NUMBL: variants seen among roughly 807,000 people sequenced by gnomAD.
NUMBL encodes the protein numb-like protein.
NUMBL carries 20 observed loss-of-function variants against 48.9 expected under a neutral mutation model. The ratio of observed to expected loss-of-function variants is 0.41; its 90% confidence interval spans 0.29 to 0.59. The LOEUF (loss-of-function observed/expected upper bound fraction) is 0.59. Among genes scored for constraint, NUMBL ranks in the 20% least tolerant of loss-of-function variants. NUMBL has a pLI of 0.31. For synonymous variants in NUMBL, 340 were observed against 348.7 expected, an observed-to-expected ratio of 0.98 and a Z score of 0.28; for missense variants, 660 against 846.2, an observed-to-expected ratio of 0.78 and a Z score of 2.73.
At chr19:40,675,553 GACAT>G (rs887447369) in intron 7 of NUMBL, among the ~76,000 whole-genome samples, 5 of 145,262 alleles carry the variant, frequency 3.4e-5, no homozygotes, top group South Asian at 2.2e-4. Context: ...GGTGACTCAG[GACAT>G]ACATACAATT....
At position 40,673,539 on chromosome 19, in the gene NUMBL, C is replaced by T. The variant is rs1157607801; in HGVS notation, c.841G>A (p.Val281Met). Residue 281 changes from valine to methionine, a missense_variant, in exon 8 of 10, where the codon GTG becomes ATG. By Grantham distance (21) the Val-to-Met change is conservative (BLOSUM62 1). Around this residue, in one of 3 missense-constraint regions of NUMBL, gnomAD observed 278 missense variants for 420.6 expected, o/e 0.66. Coordinates refer to ENST00000252891, the MANE Select transcript of NUMBL (RefSeq NM_004756.5). The surrounding 1 kb of genome is among the most constrained non-coding windows in gnomAD (Gnocchi z 5.9). ...GCGGCCGCAGTGGTGCCTGCAGCCA[C>T]AGGGGTGCCTGCCTCACCCTTCTCA... ...PGEKGEAGTP[V>M]AAGTTAAAIP... is the part of the protein sequence containing the mutation. 6 of 1,557,690 alleles carry T rather than the reference C, an allele frequency of 3.9e-6. No homozygotes were observed. The highest frequency in any genetic ancestry group is 4.3e-6 in the Non-Finnish European group (5 of 1,150,922).
intron 3 of NUMBL, 41 bp from the exon 4 acceptor site, chr19:40,683,009 C>T (rs1266050723): frequency 1.3e-6 from 2 of 1,554,282 alleles, no homozygotes; most frequent in Non-Finnish European, 1.8e-6. Flanking sequence ...TGAAACAGCA[C>T]AGTAATCACT....
At chr19:40,684,908 C>A in intron 2 of NUMBL, 1 of 261,470 alleles carries the variant, frequency 3.8e-6, no homozygotes, top group Non-Finnish European at 7.4e-6. Flanking sequence ...CGTGAGGACA[C>A]AAAGGGTGGG....
intron 2 of NUMBL, 26 bp from the exon 3 acceptor site, chr19:40,684,582 G>A (rs764352839): frequency 6.3e-7 from 1 of 1,582,906 alleles, no homozygotes; most frequent in Non-Finnish European, 8.6e-7. Context: ...AGTGATGTGG[G>A]TCAAGGGTGG....
intron 5 of NUMBL, 105 bp from the exon 6 acceptor site, chr19:40,681,162 G>T (rs184763487): frequency 7.9e-7 from 1 of 1,267,076 alleles, no homozygotes; most frequent in Non-Finnish European, 1.1e-6. Context: ...ACAGGGTGGG[G>T]ACCCAGCAGT....
At chr19:40,685,326 G>GC (rs144888248) in intron 2 of NUMBL, 15,699 of 151,436 alleles carry the variant, frequency 0.1, 1,068 homozygotes, top group Admixed American at 0.16. Context: ...GTGTGTGTAA[G>GC]CAAGTGTGCA....
intron 5 of NUMBL, among the ~76,000 whole-genome samples, chr19:40,681,681 A>AT (rs1049275712): frequency 2.6e-5 from 4 of 151,176 alleles, no homozygotes; most frequent in African/African-American, 4.9e-5. Flanking sequence ...ATATATATAT[A>AT]TTTTTTTCCC....
At chr19:40,674,164 C>T (rs570711830) in intron 7 of NUMBL, among the ~76,000 whole-genome samples, 1 of 152,110 alleles carries the variant, frequency 6.6e-6, no homozygotes. Flanking sequence ...GACTCTGGAC[C>T]CCATGCTCCA....
chr19:40,683,647 C>T (rs2081917203), intron 3 of NUMBL, among the ~76,000 whole-genome samples: 1 of 152,194 alleles, frequency 6.6e-6, no homozygotes, highest in Admixed American at 6.5e-5. Context: ...TCCTGCTCTC[C>T]CCCTCACAGG....
intron 9 of NUMBL, among the ~76,000 whole-genome samples, chr19:40,668,718 CA>C (rs1319844096): frequency 6.6e-6 from 1 of 152,114 alleles, no homozygotes; most frequent in Non-Finnish European, 1.5e-5. Flanking sequence ...CTCGGCTTCC[CA>C]AAGTACTAGG....
At chr19:40,684,674 G>A in intron 2 of NUMBL, 118 bp from the exon 3 acceptor site, 2 of 1,369,604 alleles carry the variant, frequency 1.5e-6, no homozygotes, top group Non-Finnish European at 1.9e-6. Context: ...CTGGAAGCGG[G>A]GTTACAGGGT....
chr19:40,683,045 G>T, intron 3 of NUMBL, 77 bp from the exon 4 acceptor site: 1 of 1,239,744 alleles, frequency 8.1e-7, no homozygotes, highest in Non-Finnish European at 1.2e-6. Flanking sequence ...CTGAGCATCT[G>T]CCATGCAGTA....
At chr19:40,670,449 C>A (rs909112495) in intron 8 of NUMBL, among the ~76,000 whole-genome samples, 1 of 152,020 alleles carries the variant, frequency 6.6e-6, no homozygotes, top group African/African-American at 2.4e-5. Flanking sequence ...GGGGTCCTGT[C>A]CACCCCACCC....
rs2081813556 is a variant in NUMBL at position 40,667,125 on chromosome 19, G to A, written c.*343C>T. On this transcript the variant is annotated 3_prime_UTR_variant, in exon 10 of 10. Coordinates refer to ENST00000252891, the MANE Select transcript of NUMBL (RefSeq NM_004756.5). This position sits in a 1 kb window ranked among gnomAD's most constrained non-coding sequence, Gnocchi z 6.1. ...CCTCCATCCTGTCCAACACTGGAAG[G>A]TGGGGGTCAACAGAAACTGGGAAAT... The A allele has an allele frequency of 3.1e-6, 1 of 327,068 alleles. No homozygotes were observed. Among genetic ancestry groups the A allele is most frequent in the South Asian group, 2.8e-5 (1 of 35,778 alleles). 20.3% of individuals were successfully genotyped at this position (327,068 alleles called of 1,614,324 possible).
chr19:40,677,917 C>CG (rs969802432), intron 6 of NUMBL, among the ~76,000 whole-genome samples: 1 of 151,944 alleles, frequency 6.6e-6, no homozygotes, highest in Non-Finnish European at 1.5e-5. Context: ...AGGGGATGAC[C>CG]GGGTGGTGGC....
At chr19:40,676,556 A>G (rs2081876778) in intron 7 of NUMBL, among the ~76,000 whole-genome samples, 6 of 151,330 alleles carry the variant, frequency 4.0e-5, no homozygotes, top group Admixed American at 3.9e-4. Flanking sequence ...TAAAAATACA[A>G]AAATTAGCCA....
chr19:40,669,830 C>A, intron 9 of NUMBL, 68 bp downstream of exon 9: 2 of 1,573,290 alleles, frequency 1.3e-6, no homozygotes, highest in East Asian at 2.2e-5. Context: ...GTCTGGGTAG[C>A]CCTGGATAGA....
chr19:40,687,643 C>G lies in NUMBL; in HGVS notation c.25-648G>C, dbSNP rs903612547. Among the ~76,000 whole-genome samples, 1 of 152,172 alleles carries G rather than the reference C, an allele frequency of 6.6e-6. No homozygotes were observed. Among genetic ancestry groups the G allele is most frequent in the African/African-American group, 2.4e-5 (1 of 41,430 alleles). On this transcript the variant is annotated intron_variant, in intron 1 of 9. Coordinates refer to ENST00000252891, the MANE Select transcript of NUMBL (RefSeq NM_004756.5). This position sits in a 1 kb window ranked among gnomAD's most constrained non-coding sequence, Gnocchi z 4.6. Reference sequence around the variant, plus strand: ...ACCCACTAGAGCCGCACATGCGTGGCCACACCCAGTGACAGCTATGTTTCC... The same window carrying G: ...ACCCACTAGAGCCGCACATGCGTGGGCACACCCAGTGACAGCTATGTTTCC...
chr19:40,683,568 AG>A (rs1250787409), intron 3 of NUMBL, among the ~76,000 whole-genome samples: 1 of 152,184 alleles, frequency 6.6e-6, no homozygotes, highest in Non-Finnish European at 1.5e-5. Context: ...AAGGTGGTGG[AG>A]GGGCTGTGAC....
Sources: allele counts gnomAD v4.1 joint callset (sites outside exome capture counted in the v4.1 genomes callset), GRCh38; gene constraint gnomAD v4.1.1; regional missense constraint gnomAD v4.1.1; non-coding constraint Gnocchi (gnomAD v3.1); transcripts MANE v1.5; gene names NCBI Gene and HGNC (gene_info 2026-07-23, HGNC 2026-07-21).